PRR16: variants seen among roughly 807,000 people sequenced by gnomAD.
The protein encoded by PRR16 is proline rich 16.
In PRR16, 6 loss-of-function variants were observed where a neutral mutation model predicts 18.2. That is an observed-to-expected ratio of 0.33 (90% CI 0.18 to 0.65). PRR16 has a LOEUF of 0.65. Among genes scored for constraint, PRR16 ranks in the 30% least tolerant of loss-of-function variants. PRR16 has a pLI of 0.74. For synonymous variants in PRR16, 151 were observed against 147.8 expected (o/e 1.02, Z -0.16); for missense variants, 412 against 376.6 (o/e 1.09, Z -0.78).
At chr5:120,586,945 T>C (rs1329967883) in intron 1 of PRR16, among the ~76,000 whole-genome samples, 1 of 152,186 alleles carries the variant, frequency 6.6e-6, no homozygotes, top group Non-Finnish European at 1.5e-5. Flanking sequence ...AAGTTGTGAA[T>C]TCAATGGAAA....
the PRR16 span, among the ~76,000 whole-genome samples, chr5:120,708,042 T>C: frequency 1.3e-5 from 2 of 152,228 alleles, no homozygotes; most frequent in African/African-American, 2.4e-5. Context: ...TCAGTGTACA[T>C]GAAAAGATAA....
At chr5:120,745,568 C>A in the PRR16 span, among the ~76,000 whole-genome samples, 22,473 of 152,048 alleles carry the variant, frequency 0.15, 2,522 homozygotes, top group African/African-American at 0.31. Context: ...ACAACAACAA[C>A]AAATACTGTC....
chr5:120,712,523 C>A, the PRR16 span, among the ~76,000 whole-genome samples: 1 of 151,954 alleles, frequency 6.6e-6, no homozygotes, highest in East Asian at 1.9e-4. Context: ...GGGAACCTTA[C>A]AGATTGGGAA....
chr5:120,475,479 A>AT (rs1267037571), intron 1 of PRR16, among the ~76,000 whole-genome samples: 4 of 151,608 alleles, frequency 2.6e-5, no homozygotes, highest in East Asian at 1.9e-4. Context: ...TATTTACTAA[A>AT]TTTTTTTTGA....
chr5:120,698,838 C>T, the PRR16 span, among the ~76,000 whole-genome samples: 2 of 151,858 alleles, frequency 1.3e-5, no homozygotes, highest in Non-Finnish European at 2.9e-5. Context: ...GATGGAGGAC[C>T]GTAAAGGATA....
chr5:120,571,740 A>T (rs1752912737), intron 1 of PRR16, among the ~76,000 whole-genome samples: 1 of 152,190 alleles, frequency 6.6e-6, no homozygotes, highest in African/African-American at 2.4e-5. Context: ...TTAGTGGCTT[A>T]TAATGACAAT....
chr5:120,573,668 G>T (rs1524570), intron 1 of PRR16, among the ~76,000 whole-genome samples: 69,712 of 151,814 alleles, frequency 0.46, 16,408 homozygotes, highest in Middle Eastern at 0.55. Flanking sequence ...AATGATACAT[G>T]ATAAAAATAA....
the PRR16 span, among the ~76,000 whole-genome samples, chr5:120,707,493 T>A: frequency 7.2e-5 from 11 of 152,342 alleles, no homozygotes; most frequent in Admixed American, 7.2e-4. Context: ...GTAAGCCACA[T>A]GTTCTATGGC....
chr5:120,785,590 T>TTTTTTTTTTTTTTTGG, the PRR16 span, among the ~76,000 whole-genome samples: 1 of 144,408 alleles, frequency 6.9e-6, no homozygotes, highest in African/African-American at 2.5e-5. Flanking sequence ...TTTTTTTTTT[T>TTTTTTTTTTTTTTTGG]GAGACAGAGT....
intron 1 of PRR16, among the ~76,000 whole-genome samples, chr5:120,528,118 A>G (rs1751428653): frequency 1.3e-5 from 2 of 152,186 alleles, no homozygotes; most frequent in Non-Finnish European, 2.9e-5. Flanking sequence ...TGAACATCTT[A>G]TGATCCTGGG....
chr5:120,559,951 G>A (rs1752525256), intron 1 of PRR16, among the ~76,000 whole-genome samples: 1 of 151,722 alleles, frequency 6.6e-6, no homozygotes. Flanking sequence ...TTTGGTATTG[G>A]CATATAGAAA....
chr5:120,594,638 C>G (rs1427925000), intron 1 of PRR16, among the ~76,000 whole-genome samples: 1 of 151,998 alleles, frequency 6.6e-6, no homozygotes, highest in African/African-American at 2.4e-5. Context: ...GAGCAAGAGC[C>G]CTAATACCCA....
At chr5:120,468,978 T>A (rs1407459193) in intron 1 of PRR16, among the ~76,000 whole-genome samples, 1 of 152,220 alleles carries the variant, frequency 6.6e-6, no homozygotes, top group Non-Finnish European at 1.5e-5. Context: ...TGCCTTAGAA[T>A]CACTCAGTGA....
chr5:120,543,764 T>C (rs1387742048), intron 1 of PRR16, among the ~76,000 whole-genome samples: 1 of 152,188 alleles, frequency 6.6e-6, no homozygotes, highest in Non-Finnish European at 1.5e-5. Flanking sequence ...CTAAGGGCAG[T>C]TATGCATAAT....
At chr5:120,632,035 A>G (rs1186018589) in intron 1 of PRR16, among the ~76,000 whole-genome samples, 12 of 152,148 alleles carry the variant, frequency 7.9e-5, no homozygotes, top group Non-Finnish European at 5.9e-5. Flanking sequence ...CAGCTGCAAG[A>G]CCTGAAGACG....
At chr5:120,567,646 T>A (rs1051337649) in intron 1 of PRR16, among the ~76,000 whole-genome samples, 3 of 152,048 alleles carry the variant, frequency 2.0e-5, no homozygotes, top group Non-Finnish European at 2.9e-5. Flanking sequence ...TGATAGTGAG[T>A]GACTGGTAAT....
the PRR16 span, among the ~76,000 whole-genome samples, chr5:120,739,293 A>T: frequency 2.6e-5 from 4 of 152,304 alleles, no homozygotes; most frequent in Admixed American, 2.6e-4. Context: ...ATGCTGAAAT[A>T]TGAATATAGA....
At chr5:120,623,824 G>A (rs190989288) in intron 1 of PRR16, among the ~76,000 whole-genome samples, 14 of 152,072 alleles carry the variant, frequency 9.2e-5, no homozygotes, top group South Asian at 2.1e-4. Context: ...AGTTAAATAC[G>A]TTTAGTCAGG....
rs185019041 is a variant in PRR16 at position 120,488,291 on chromosome 5, G to A, written c.159+23646G>A. 8.0e-3 allele frequency among the ~76,000 whole-genome samples: 1,223 copies of A among 152,120 alleles called. 20 individuals are homozygous for A. The highest frequency in any genetic ancestry group is 0.028 in the African/African-American group (1,156 of 41,500). On this transcript the variant is annotated intron_variant, in intron 1 of 1. Transcript: ENST00000407149. ...TCCATCTGGTCTTAGACTTTTTTTG[G>A]TTGGTAAGCTATTAATTATTATCTC...
Sources: allele counts gnomAD v4.1 joint callset (sites outside exome capture counted in the v4.1 genomes callset), GRCh38; gene constraint gnomAD v4.1.1; transcripts MANE v1.5; gene names NCBI Gene and HGNC (gene_info 2026-07-23, HGNC 2026-07-21).